CNTNAP2: variants seen among roughly 807,000 people sequenced by gnomAD.
CNTNAP2 encodes contactin associated protein 2, also known as contactin-associated protein-like 2.
CNTNAP2 carries 98 observed loss-of-function variants against 155.2 expected under a neutral mutation model. The ratio of observed to expected loss-of-function variants is 0.63; its 90% CI spans 0.54 to 0.75. The LOEUF (loss-of-function observed/expected upper bound fraction) is 0.75. Among genes scored for constraint, CNTNAP2 ranks in the 30% least tolerant of loss-of-function variants. CNTNAP2 has a pLI of 0.00. For synonymous variants in CNTNAP2, 651 were observed against 631.2 expected (o/e 1.03, Z -0.47); for missense variants, 1,727 against 1,688.1 (o/e 1.02, Z -0.40).
intron 1 of CNTNAP2, among the ~76,000 whole-genome samples, chr7:146,310,494 T>C (rs183160210): frequency 6.6e-6 from 1 of 152,300 alleles, no homozygotes; most frequent in Non-Finnish European, 1.5e-5. Flanking sequence ...AATCATGTAG[T>C]TCAGTGTAAC....
intron 13 of CNTNAP2, among the ~76,000 whole-genome samples, chr7:147,722,969 G>T (rs1448390791): frequency 6.6e-6 from 1 of 151,980 alleles, no homozygotes; most frequent in African/African-American, 2.4e-5. Flanking sequence ...GATTGATGTT[G>T]ATTCTTATCT....
intron 9 of CNTNAP2, among the ~76,000 whole-genome samples, chr7:147,336,906 G>A (rs1367032430): frequency 2.0e-5 from 3 of 151,878 alleles, no homozygotes; most frequent in Non-Finnish European, 4.4e-5. Context: ...AATTCCAAAG[G>A]GACATTGGCA....
intron 15 of CNTNAP2, 170 bp downstream of exon 15, chr7:147,978,159 C>A: frequency 1.1e-6 from 1 of 898,552 alleles, no homozygotes; most frequent in Non-Finnish European, 1.7e-6. Flanking sequence ...ATAAAGCCTC[C>A]AGTACAGGAG....
chr7:146,147,717 G>A (rs1430636727), intron 1 of CNTNAP2, among the ~76,000 whole-genome samples: 5 of 152,028 alleles, frequency 3.3e-5, no homozygotes, highest in African/African-American at 9.7e-5. Flanking sequence ...ATCCTGTTAC[G>A]TTGACTTCTT....
intron 1 of CNTNAP2, among the ~76,000 whole-genome samples, chr7:146,424,148 A>T (rs1428733345): frequency 4.6e-5 from 7 of 152,204 alleles, no homozygotes; most frequent in African/African-American, 1.7e-4. Flanking sequence ...ATCTAAAATG[A>T]TGGAACAGCT....
At chr7:148,295,718 C>T (rs189458687) in intron 21 of CNTNAP2, among the ~76,000 whole-genome samples, 1,875 of 151,800 alleles carry the variant, frequency 0.012, 9 homozygotes, top group Non-Finnish European at 0.021. Context: ...GTCTCCATCT[C>T]CTGACCTCGT....
intron 19 of CNTNAP2, among the ~76,000 whole-genome samples, chr7:148,222,543 G>GATGAATGGATCATTCCATGATTCT (rs1795768293): frequency 7.0e-6 from 1 of 143,052 alleles, no homozygotes; most frequent in Non-Finnish European, 1.5e-5. Flanking sequence ...TCCATGAATC[G>GATGAATGGATCATTCCATGATTCT]ATGAATGGAT....
At chr7:147,155,505 G>A (rs1450294980) in intron 8 of CNTNAP2, among the ~76,000 whole-genome samples, 1 of 152,068 alleles carries the variant, frequency 6.6e-6, no homozygotes, top group East Asian at 1.9e-4. Context: ...CCGGTACCCA[G>A]ACTTCTGCAT....
intron 11 of CNTNAP2, among the ~76,000 whole-genome samples, chr7:147,536,507 C>T (rs983681131): frequency 7.9e-5 from 12 of 152,194 alleles, no homozygotes. Context: ...GAGTCAAGCC[C>T]CAGACCCCAG....
At chr7:146,859,482 C>T (rs192372681) in intron 3 of CNTNAP2, among the ~76,000 whole-genome samples, 6 of 152,194 alleles carry the variant, frequency 3.9e-5, no homozygotes, top group East Asian at 1.9e-4. Flanking sequence ...CCTGGAGAAA[C>T]CCTGTCTCTC....
At chr7:148,315,960 C>T (rs1797680021) in intron 21 of CNTNAP2, among the ~76,000 whole-genome samples, 1 of 152,064 alleles carries the variant, frequency 6.6e-6, no homozygotes. Context: ...TTTCATTTAA[C>T]AAACACATGC....
At chr7:148,257,523 A>G (rs1453448761) in intron 20 of CNTNAP2, among the ~76,000 whole-genome samples, 2 of 152,256 alleles carry the variant, frequency 1.3e-5, no homozygotes, top group Middle Eastern at 6.8e-3. Context: ...CAGCCTCCCA[A>G]ATGGTGTCCT....
At chr7:146,741,797 G>A (rs1238295422) in intron 1 of CNTNAP2, among the ~76,000 whole-genome samples, 1 of 152,152 alleles carries the variant, frequency 6.6e-6, no homozygotes, top group Non-Finnish European at 1.5e-5. Flanking sequence ...AAGTGATCCA[G>A]ATGGTAGTAG....
At chr7:147,590,817 C>G (rs971426328) in intron 12 of CNTNAP2, among the ~76,000 whole-genome samples, 1 of 152,124 alleles carries the variant, frequency 6.6e-6, no homozygotes, top group African/African-American at 2.4e-5. Context: ...GAGGAAAGCC[C>G]TGTTTGATAG....
chr7:147,826,775 T>A (rs2116629200), intron 13 of CNTNAP2, among the ~76,000 whole-genome samples: 1 of 152,266 alleles, frequency 6.6e-6, no homozygotes, highest in East Asian at 1.9e-4. Flanking sequence ...AAAAATGCAT[T>A]TCTAATAGTC....
chr7:146,372,235 G>A (rs1475002954), intron 1 of CNTNAP2, among the ~76,000 whole-genome samples: 1 of 152,152 alleles, frequency 6.6e-6, no homozygotes, highest in Non-Finnish European at 1.5e-5. Flanking sequence ...TAATGAAGTA[G>A]AATACGACCT....
intron 13 of CNTNAP2, among the ~76,000 whole-genome samples, chr7:147,717,047 A>C (rs765172598): frequency 9.2e-5 from 14 of 152,102 alleles, no homozygotes; most frequent in Non-Finnish European, 1.9e-4. Context: ...ATATTTTGAC[A>C]ACAATATCAG....
chr7:147,994,228 C>T (rs1439819164), intron 15 of CNTNAP2, among the ~76,000 whole-genome samples: 1 of 151,920 alleles, frequency 6.6e-6, no homozygotes, highest in Non-Finnish European at 1.5e-5. Flanking sequence ...AATAATTAAC[C>T]AGGTTTGGTG....
chr7:147,228,959 A>T (rs1201674562), intron 8 of CNTNAP2, among the ~76,000 whole-genome samples: 1 of 152,038 alleles, frequency 6.6e-6, no homozygotes, highest in Non-Finnish European at 1.5e-5. Flanking sequence ...TTCCAGCTTC[A>T]TTCATGTCCC....
Sources: gnomAD v4.1 joint callset for allele counts (sites outside exome capture counted in the v4.1 genomes callset) on GRCh38, gnomAD v4.1.1 for gene constraint, MANE v1.5 for transcripts, NCBI Gene and HGNC (gene_info 2026-07-23, HGNC 2026-07-21) for gene names.